Variants in PDE11A observed in about 807,000 individuals in gnomAD.
The protein encoded by PDE11A is phosphodiesterase 11A.
Under a neutral mutation model 100.5 loss-of-function variants are expected in PDE11A, and 100 were observed. The ratio of observed to expected loss-of-function variants is 1.00; its 90% CI spans 0.85 to 1.18. PDE11A has a LOEUF of 1.18. Ranked by LOEUF, PDE11A falls within the 50% of genes most tolerant of loss-of-function variation. PDE11A has a pLI of 0.00. For missense variants in PDE11A, 1,141 were observed against 1,152.6 expected, an observed-to-expected ratio of 0.99 and a Z score of 0.15; for synonymous variants, 381 against 420.8, an observed-to-expected ratio of 0.91 and a Z score of 1.16.
intron 9 of PDE11A, among the ~76,000 whole-genome samples, chr2:177,788,657 A>G (rs186028962): frequency 6.6e-6 from 1 of 152,108 alleles, no homozygotes; most frequent in Admixed American, 6.6e-5. Flanking sequence ...CTAATAAAGA[A>G]AAAAAGAGAG....
intron 19 of PDE11A, among the ~76,000 whole-genome samples, chr2:177,651,139 G>A (rs2080302471): frequency 6.6e-6 from 1 of 152,132 alleles, no homozygotes; most frequent in Non-Finnish European, 1.5e-5. Flanking sequence ...GATCATGCTT[G>A]GAAAGTTAGT....
chr2:177,888,571 A>T (rs1055461892), intron 4 of PDE11A: 2 of 209,402 alleles, frequency 9.6e-6, no homozygotes, highest in African/African-American at 4.7e-5. Flanking sequence ...TCAAAAAAGG[A>T]GGTTAATAAA....
intron 10 of PDE11A, among the ~76,000 whole-genome samples, chr2:177,750,711 T>C (rs1322038577): frequency 6.6e-6 from 1 of 152,228 alleles, no homozygotes; most frequent in African/African-American, 2.4e-5. Flanking sequence ...CCCACAAGGG[T>C]ATAAAGTATC....
chr2:177,802,215 T>A (rs141271321), intron 9 of PDE11A, among the ~76,000 whole-genome samples: 3 of 152,114 alleles, frequency 2.0e-5, no homozygotes, highest in African/African-American at 7.2e-5. Flanking sequence ...CATTAAATAC[T>A]GGTGAGACTG....
intron 5 of PDE11A, among the ~76,000 whole-genome samples, chr2:177,853,194 A>G (rs1224092897): frequency 6.6e-6 from 1 of 152,064 alleles, no homozygotes; most frequent in African/African-American, 2.4e-5. Flanking sequence ...GATTACAGAT[A>G]ATTTTATTAT....
At chr2:177,817,820 TTGA>T in intron 8 of PDE11A, 35 bp downstream of exon 8, 1 of 837,002 alleles carries the variant, frequency 1.2e-6, no homozygotes, top group Non-Finnish European at 2.0e-6. Flanking sequence ...CAGGGGACTA[TTGA>T]TGACTCCACT....
chr2:178,064,339 C>T (rs541153242), intron 1 of PDE11A, among the ~76,000 whole-genome samples: 75 of 152,278 alleles, frequency 4.9e-4, no homozygotes, highest in African/African-American at 1.7e-3. Context: ...TAGGTGTGTT[C>T]GGCCAAGGTT....
intron 2 of PDE11A, among the ~76,000 whole-genome samples, chr2:177,907,881 T>C (rs1479909536): frequency 6.6e-6 from 1 of 152,204 alleles, no homozygotes; most frequent in Non-Finnish European, 1.5e-5. Context: ...CCAGCAAAAA[T>C]GCTGATGCTC....
At chr2:178,054,043 G>A (rs1221256349) in intron 1 of PDE11A, among the ~76,000 whole-genome samples, 6 of 152,162 alleles carry the variant, frequency 3.9e-5, no homozygotes, top group South Asian at 2.1e-4. Context: ...AAAAGAGCCC[G>A]CATCGCCAAG....
chr2:177,909,859 G>A (rs1329475611), intron 2 of PDE11A, among the ~76,000 whole-genome samples: 1 of 151,984 alleles, frequency 6.6e-6, no homozygotes, highest in Non-Finnish European at 1.5e-5. Context: ...GCAATCCTAG[G>A]CTTACACTTA....
intron 2 of PDE11A, among the ~76,000 whole-genome samples, chr2:178,096,256 TG>T (rs2087489093): frequency 6.7e-6 from 1 of 149,782 alleles, no homozygotes; most frequent in African/African-American, 2.5e-5. Context: ...CCCCGCCTCC[TG>T]GGTTCACGCC....
intron 2 of PDE11A, chr2:178,092,470 T>C (rs2087435587): frequency 6.6e-6 from 1 of 152,228 alleles, no homozygotes; most frequent in African/African-American, 2.4e-5. Flanking sequence ...ATTTTTGAAA[T>C]TAGAAATTTT....
chr2:177,894,956 C>G (rs1224109202), intron 4 of PDE11A, among the ~76,000 whole-genome samples: 1 of 152,066 alleles, frequency 6.6e-6, no homozygotes, highest in Non-Finnish European at 1.5e-5. Flanking sequence ...TAACTCCTGC[C>G]TCCCTAAAAT....
In PDE11A at chr2:178,072,113, C is replaced by T; in HGVS notation, c.325G>A (p.Asp109Asn). 2 of 1,613,716 alleles carry T rather than the reference C, an allele frequency of 1.2e-6. No homozygotes were observed. The highest frequency in any genetic ancestry group is 4.5e-5 in the East Asian group (2 of 44,872). The change falls in exon 1 of 20, where the codon GAT becomes AAT. Residue 109 changes from aspartate (D) to asparagine (N), a missense_variant. Physicochemically the swap from Asp to Asn is conservative, Grantham distance 23. Transcript: ENST00000286063. ...SPSWAGGSRG[D>N]GNLQRRASQK... ...GAAGCTCTCCGCTGCAGGTTCCCAT[C>T]GCCCCTGCTGCCACCGGCCCAGCTG...
chr2:177,863,000 C>G (rs1204951249), intron 5 of PDE11A, among the ~76,000 whole-genome samples: 5 of 151,840 alleles, frequency 3.3e-5, no homozygotes, highest in African/African-American at 1.2e-4. Flanking sequence ...GCCAGTGGAA[C>G]AGAATATAGA....
intron 9 of PDE11A, among the ~76,000 whole-genome samples, chr2:177,783,926 C>CA (rs1368885959): frequency 6.6e-6 from 1 of 151,990 alleles, no homozygotes; most frequent in African/African-American, 2.4e-5. Context: ...TCCAGGCTAC[C>CA]AAAGTTCCAG....
intron 1 of PDE11A, among the ~76,000 whole-genome samples, chr2:178,065,090 T>G (rs557572589): frequency 1.3e-5 from 2 of 152,282 alleles, no homozygotes; most frequent in East Asian, 3.9e-4. Flanking sequence ...GACCAGGAAC[T>G]GAAACTTCTC....
chr2:177,801,500 T>C (rs1371566841), intron 9 of PDE11A, among the ~76,000 whole-genome samples: 1 of 152,130 alleles, frequency 6.6e-6, no homozygotes, highest in African/African-American at 2.4e-5. Context: ...ACTCAAATTA[T>C]AATAGCAGAA....
At chr2:177,959,229 C>T (rs1330701340) in intron 2 of PDE11A, among the ~76,000 whole-genome samples, 4 of 152,090 alleles carry the variant, frequency 2.6e-5, no homozygotes, top group African/African-American at 9.7e-5. Context: ...ACAGAAAAAT[C>T]CCTATGGCTG....
Sources: allele counts gnomAD v4.1 joint callset (sites outside exome capture counted in the v4.1 genomes callset), GRCh38; gene constraint gnomAD v4.1.1; transcripts MANE v1.5; gene names NCBI Gene and HGNC (gene_info 2026-07-23, HGNC 2026-07-21).